Variants in NAALADL2 observed in about 807,000 individuals in gnomAD.
NAALADL2 encodes inactive N-acetylated-alpha-linked acidic dipeptidase-like protein 2.
In NAALADL2, 76 loss-of-function variants were observed where a neutral mutation model predicts 87.2. That is an observed-to-expected ratio of 0.87 (90% CI 0.72 to 1.05). The LOEUF is 1.05. Ranked by LOEUF, NAALADL2 falls within the 50% of genes least tolerant of loss-of-function variation. The pLI is 0.00. For synonymous variants in NAALADL2, 354 were observed against 331.0 expected (o/e 1.07, Z -0.75); for missense variants, 1,089 against 945.8 (o/e 1.15, Z -1.99).
intron 11 of NAALADL2, among the ~76,000 whole-genome samples, chr3:175,693,300 G>A (rs1737286634): frequency 6.6e-6 from 1 of 151,990 alleles, no homozygotes; most frequent in East Asian, 1.9e-4. Flanking sequence ...CTATTACAGT[G>A]GCCTAAATTC....
chr3:174,784,411 T>G (rs1289221326), intron 3 of NAALADL2, among the ~76,000 whole-genome samples: 3 of 152,196 alleles, frequency 2.0e-5, no homozygotes, highest in Non-Finnish European at 4.4e-5. Context: ...CTTAACTGTC[T>G]TACTTCATGA....
intron 3 of NAALADL2, among the ~76,000 whole-genome samples, chr3:174,810,806 C>A (rs998975958): frequency 2.0e-5 from 3 of 152,086 alleles, no homozygotes; most frequent in African/African-American, 2.4e-5. Flanking sequence ...GGGGAGAAGA[C>A]CTCGAAGGTA....
At chr3:174,472,681 A>C (rs772964445) in intron 1 of NAALADL2, among the ~76,000 whole-genome samples, 1 of 152,120 alleles carries the variant, frequency 6.6e-6, no homozygotes, top group Non-Finnish European at 1.5e-5. Context: ...ATTGTCATAC[A>C]TATTTTTTTC....
intron 5 of NAALADL2, among the ~76,000 whole-genome samples, chr3:175,356,575 A>G (rs1200515119): frequency 8.1e-6 from 1 of 123,386 alleles, no homozygotes; most frequent in East Asian, 2.2e-4. Context: ...ACCCTGTGTC[A>G]AAATAATAAT....
At chr3:175,550,021 G>T (rs760410696) in intron 9 of NAALADL2, among the ~76,000 whole-genome samples, 9 of 152,016 alleles carry the variant, frequency 5.9e-5, no homozygotes, top group Non-Finnish European at 1.2e-4. Flanking sequence ...GAACCCTGTG[G>T]TTATGTGACA....
At chr3:175,065,515 T>C (rs924274263) in intron 1 of NAALADL2, among the ~76,000 whole-genome samples, 16 of 152,212 alleles carry the variant, frequency 1.1e-4, no homozygotes, top group African/African-American at 2.4e-4. Context: ...CAAGGTATAG[T>C]AATCCCAGTT....
chr3:175,301,718 A>G (rs1581324344), intron 4 of NAALADL2, among the ~76,000 whole-genome samples: 1 of 152,342 alleles, frequency 6.6e-6, no homozygotes, highest in Middle Eastern at 3.4e-3. Context: ...CTGGACCAAA[A>G]TAATCCTCTC....
At chr3:175,757,786 A>G (rs1388177610) in intron 13 of NAALADL2, among the ~76,000 whole-genome samples, 2 of 152,090 alleles carry the variant, frequency 1.3e-5, no homozygotes, top group Non-Finnish European at 2.9e-5. Flanking sequence ...AAATAAATGT[A>G]ACGATGTTAG....
intron 10 of NAALADL2, among the ~76,000 whole-genome samples, chr3:175,594,823 G>A (rs989804519): frequency 1.3e-5 from 2 of 151,988 alleles, no homozygotes; most frequent in Non-Finnish European, 2.9e-5. Flanking sequence ...GTCTGTTCAT[G>A]CCATTTGCCC....
At chr3:175,072,477 A>G (rs1437722115) in intron 1 of NAALADL2, among the ~76,000 whole-genome samples, 1 of 151,918 alleles carries the variant, frequency 6.6e-6, no homozygotes, top group East Asian at 1.9e-4. Flanking sequence ...GAAAAGAGTC[A>G]TCTTTAAAAA....
At chr3:174,511,552 C>G (rs960830080) in intron 1 of NAALADL2, among the ~76,000 whole-genome samples, 1 of 151,468 alleles carries the variant, frequency 6.6e-6, no homozygotes, top group African/African-American at 2.4e-5. Flanking sequence ...TTTCATATTT[C>G]AAGTAGTTTT....
intron 1 of NAALADL2, among the ~76,000 whole-genome samples, chr3:175,072,328 TATTTAG>T (rs1175999078): frequency 3.9e-5 from 6 of 152,080 alleles, no homozygotes; most frequent in African/African-American, 1.4e-4. Context: ...CAAAAGGTTT[TATTTAG>T]ATTTAAAGTC....
chr3:175,062,091 A>G (rs1294603594), intron 1 of NAALADL2, among the ~76,000 whole-genome samples: 1 of 137,806 alleles, frequency 7.3e-6, no homozygotes, highest in African/African-American at 3.4e-5. Flanking sequence ...CTGTCAGAAC[A>G]GTGGAAAGAG....
rs368596803 is a variant in NAALADL2, at chr3:175,065,950, G to A, written c.44-30840G>A. ...GAGACCCTCTCACATAACGGTATTC[G>A]GTCTTAATGTTGCCATCAAGCTCCA... On this transcript the variant is annotated intron_variant, in intron 1 of 13. Coordinates refer to ENST00000454872, the MANE Select transcript of NAALADL2 (RefSeq NM_207015.3). Among the ~76,000 whole-genome samples, 23 of 152,262 alleles carry A rather than the reference G, an allele frequency of 1.5e-4. 1 individual carries two copies. In the South Asian group the frequency reaches 3.3e-3, roughly 22 times the overall value.
At chr3:174,609,764 C>T (rs1719597685) in intron 2 of NAALADL2, among the ~76,000 whole-genome samples, 1 of 152,124 alleles carries the variant, frequency 6.6e-6, no homozygotes, top group South Asian at 2.1e-4. Flanking sequence ...GATTCAATGT[C>T]ATCCCCATTA....
At chr3:175,719,438 G>T (rs760145139) in intron 11 of NAALADL2, among the ~76,000 whole-genome samples, 3 of 151,944 alleles carry the variant, frequency 2.0e-5, no homozygotes, top group Non-Finnish European at 4.4e-5. Context: ...ATGTGGAAAT[G>T]GTTTACAGGT....
intron 3 of NAALADL2, among the ~76,000 whole-genome samples, chr3:174,833,834 G>T (rs920119695): frequency 6.7e-6 from 1 of 150,322 alleles, no homozygotes; most frequent in African/African-American, 2.4e-5. Context: ...GAGCAAAAGA[G>T]ATTTGCCAAA....
chr3:175,512,358 C>T (rs1203110070), intron 9 of NAALADL2, among the ~76,000 whole-genome samples: 5 of 152,122 alleles, frequency 3.3e-5, no homozygotes, highest in Admixed American at 3.3e-4. Context: ...GAGGCTGTAT[C>T]ATGGTCAATG....
At chr3:174,889,483 A>G (rs932885384) in intron 1 of NAALADL2, among the ~76,000 whole-genome samples, 1 of 152,050 alleles carries the variant, frequency 6.6e-6, no homozygotes, top group Non-Finnish European at 1.5e-5. Flanking sequence ...CGCCATTGCT[A>G]TTATTTCCCT....
Sources: allele counts gnomAD v4.1 joint callset (sites outside exome capture counted in the v4.1 genomes callset), GRCh38; gene constraint gnomAD v4.1.1; transcripts MANE v1.5; gene names NCBI Gene and HGNC (gene_info 2026-07-23, HGNC 2026-07-21).